MYO18B: variants seen among roughly 807,000 people sequenced by gnomAD.
The protein encoded by MYO18B is unconventional myosin-XVIIIb.
In MYO18B, 204 loss-of-function variants were observed where a neutral mutation model predicts 273.0. The observed-to-expected ratio is 0.75, with a 90% CI of 0.67 to 0.84. The LOEUF (loss-of-function observed/expected upper bound fraction) is 0.84. MYO18B is among the 40% of genes least tolerant of loss of function. The pLI is 0.00. For missense variants in MYO18B, 3,212 were observed against 3,287.6 expected (o/e 0.98, Z 0.56); for synonymous variants, 1,330 against 1,305.7 (o/e 1.02, Z -0.40).
intron 33 of MYO18B, among the ~76,000 whole-genome samples, chr22:25,913,460 T>A (rs1451314328): frequency 1.3e-5 from 2 of 152,094 alleles, no homozygotes; most frequent in Non-Finnish European, 2.9e-5. Context: ...GCTTCCTGGG[T>A]TCATGCCATT....
intron 39 of MYO18B, among the ~76,000 whole-genome samples, chr22:25,986,226 T>C (rs2093201006): frequency 6.6e-6 from 1 of 152,154 alleles, no homozygotes; most frequent in Non-Finnish European, 1.5e-5. Flanking sequence ...ATCTGTAAAA[T>C]GGACAGGACA....
intron 33 of MYO18B, among the ~76,000 whole-genome samples, chr22:25,917,858 A>G (rs563264977): frequency 6.6e-6 from 1 of 152,242 alleles, no homozygotes; most frequent in African/African-American, 2.4e-5. Context: ...TTACTCATAC[A>G]TTTCCAGATA....
intron 12 of MYO18B, among the ~76,000 whole-genome samples, chr22:25,821,530 C>T (rs1309682236): frequency 3.9e-5 from 6 of 152,280 alleles, no homozygotes; most frequent in Non-Finnish European, 7.4e-5. Flanking sequence ...GTAATCCCAG[C>T]ACTTTGGGAG....
chr22:25,985,009 C>A (rs967798418), intron 39 of MYO18B, among the ~76,000 whole-genome samples: 2 of 152,052 alleles, frequency 1.3e-5, no homozygotes, highest in South Asian at 4.2e-4. Context: ...ATTTGCTGAC[C>A]CTTTAGAAAT....
chr22:25,850,401 A>T (rs2090390378), intron 20 of MYO18B, among the ~76,000 whole-genome samples: 1 of 151,996 alleles, frequency 6.6e-6, no homozygotes, highest in Non-Finnish European at 1.5e-5. Flanking sequence ...TGAGACAGTT[A>T]CTATTTTGTG....
chr22:25,767,419 C>T (rs181309855), intron 3 of MYO18B, among the ~76,000 whole-genome samples: 33 of 152,236 alleles, frequency 2.2e-4, no homozygotes, highest in African/African-American at 6.3e-4. Context: ...AGCAGCAGCT[C>T]GGTTTATTCT....
At chr22:25,915,701 A>G (rs1250301469) in intron 33 of MYO18B, among the ~76,000 whole-genome samples, 1 of 152,208 alleles carries the variant, frequency 6.6e-6, no homozygotes, top group East Asian at 1.9e-4. Flanking sequence ...TCAATCTATC[A>G]ATGTAGTATA....
At chr22:25,849,969 G>T (rs118065147) in intron 20 of MYO18B, among the ~76,000 whole-genome samples, 5,769 of 152,262 alleles carry the variant, frequency 0.038, 151 homozygotes, top group East Asian at 0.11. Flanking sequence ...TCAGAAAGGT[G>T]AATCAGTTGT....
intron 40 of MYO18B, among the ~76,000 whole-genome samples, chr22:25,993,733 G>C (rs550121050): frequency 6.6e-6 from 1 of 152,126 alleles, no homozygotes; most frequent in African/African-American, 2.4e-5. Context: ...ACTTGTGGGT[G>C]CGAGACAGGC....
chr22:25,948,332 T>C (rs1271246906), intron 36 of MYO18B, among the ~76,000 whole-genome samples: 3 of 152,140 alleles, frequency 2.0e-5, no homozygotes, highest in Non-Finnish European at 2.9e-5. Flanking sequence ...TATCCATTCA[T>C]CCATCCTACC....
At chr22:25,893,727 C>T (rs1424156035) in intron 27 of MYO18B, among the ~76,000 whole-genome samples, 3 of 152,108 alleles carry the variant, frequency 2.0e-5, no homozygotes, top group African/African-American at 7.2e-5. Flanking sequence ...GAGGTCACCT[C>T]TTTCAAGAAC....
At chr22:25,993,160 G>T (rs763341114) in intron 40 of MYO18B, among the ~76,000 whole-genome samples, 1 of 152,044 alleles carries the variant, frequency 6.6e-6, no homozygotes, top group Non-Finnish European at 1.5e-5. Context: ...GCTACTGCAG[G>T]CCACAGGTGG....
At chr22:25,979,030 T>A (rs2093122999) in intron 39 of MYO18B, among the ~76,000 whole-genome samples, 1 of 152,128 alleles carries the variant, frequency 6.6e-6, no homozygotes, top group Admixed American at 6.5e-5. Context: ...AGAGGAAAGA[T>A]GCAAGAGATT....
At chr22:26,054,743 G>T in the MYO18B span, among the ~76,000 whole-genome samples, 5 of 152,100 alleles carry the variant, frequency 3.3e-5, no homozygotes, top group Admixed American at 3.3e-4. Flanking sequence ...TTATAGAGAC[G>T]GTTTAATAGA....
intron 34 of MYO18B, among the ~76,000 whole-genome samples, chr22:25,925,030 A>G (rs1187288187): frequency 6.6e-6 from 1 of 152,184 alleles, no homozygotes; most frequent in Non-Finnish European, 1.5e-5. Context: ...AGGTTGAGCA[A>G]TTTACCTAAG....
At chr22:25,939,350 C>G (rs1048380663) in intron 34 of MYO18B, among the ~76,000 whole-genome samples, 27 of 152,348 alleles carry the variant, frequency 1.8e-4, no homozygotes, top group African/African-American at 4.8e-4. Context: ...TCTGCCACCT[C>G]TTAGGTCAGC....
At chr22:25,796,854 T>C (rs1047656676) in intron 11 of MYO18B, among the ~76,000 whole-genome samples, 1 of 152,202 alleles carries the variant, frequency 6.6e-6, no homozygotes, top group African/African-American at 2.4e-5. Flanking sequence ...TTTAGTATCA[T>C]GGTTGAGGCC....
At chr22:25,908,206 A>C (rs1225218907) in intron 31 of MYO18B, 116 bp from the exon 32 acceptor site, 17 of 761,546 alleles carry the variant, frequency 2.2e-5, no homozygotes, top group Non-Finnish European at 2.2e-6. Flanking sequence ...CAATAACTTG[A>C]CTCTCATTTA....
chr22:26,056,431 A>C, the MYO18B span, among the ~76,000 whole-genome samples: 1 of 152,220 alleles, frequency 6.6e-6, no homozygotes, highest in African/African-American at 2.4e-5. Context: ...ACTAGAACCC[A>C]GGTATCCTCA....
Sources: allele counts gnomAD v4.1 joint callset (sites outside exome capture counted in the v4.1 genomes callset), GRCh38; gene constraint gnomAD v4.1.1; transcripts MANE v1.5; gene names NCBI Gene and HGNC (gene_info 2026-07-23, HGNC 2026-07-21).